The following LRRTM4 variants were observed in gnomAD, a reference collection of about 807,000 sequenced individuals.
LRRTM4 encodes the protein leucine-rich repeat transmembrane neuronal protein 4.
Under a neutral mutation model 47.6 loss-of-function variants are expected in LRRTM4, and 25 were observed. The observed-to-expected ratio is 0.53, with a 90% CI of 0.38 to 0.73. LRRTM4 has a LOEUF of 0.73. Ranked by LOEUF, LRRTM4 falls within the 30% of genes least tolerant of loss-of-function variation. LRRTM4 has a pLI of 0.00. For synonymous variants in LRRTM4, 311 were observed against 269.5 expected, an observed-to-expected ratio of 1.15 and a Z score of -1.51; for missense variants, 638 against 713.4, an observed-to-expected ratio of 0.89 and a Z score of 1.20.
At chr2:77,092,840 G>A (rs1203176368) in intron 3 of LRRTM4, among the ~76,000 whole-genome samples, 5 of 143,166 alleles carry the variant, frequency 3.5e-5, no homozygotes, top group African/African-American at 1.2e-4. Flanking sequence ...AGTATTCAGC[G>A]AAACCTTTAT....
intron 3 of LRRTM4, among the ~76,000 whole-genome samples, chr2:77,201,702 G>A (rs986894870): frequency 5.3e-5 from 8 of 151,778 alleles, no homozygotes; most frequent in Admixed American, 4.6e-4. Flanking sequence ...TGTGCCAAGG[G>A]GTAACATTCC....
At chr2:76,883,564 T>C (rs553242276) in intron 3 of LRRTM4, among the ~76,000 whole-genome samples, 3 of 152,240 alleles carry the variant, frequency 2.0e-5, no homozygotes, top group African/African-American at 7.2e-5. Context: ...CATGCAAAGC[T>C]AGGACAGAGG....
intron 3 of LRRTM4, among the ~76,000 whole-genome samples, chr2:76,806,035 A>G (rs78773448): frequency 0.044 from 6,775 of 152,256 alleles, 462 homozygotes; most frequent in African/African-American, 0.14. Flanking sequence ...TACTCAGCCT[A>G]TTACAGCTAC....
intron 3 of LRRTM4, among the ~76,000 whole-genome samples, chr2:77,024,534 AAAC>A (rs1012887868): frequency 2.0e-5 from 3 of 151,920 alleles, no homozygotes; most frequent in African/African-American, 7.3e-5. Context: ...CTAAAGAAAA[AAAC>A]AACAGAGAGG....
intron 3 of LRRTM4, among the ~76,000 whole-genome samples, chr2:77,240,602 CATAA>C (rs1311914588): frequency 6.6e-6 from 1 of 151,698 alleles, no homozygotes; most frequent in Non-Finnish European, 1.5e-5. Context: ...AAAAGAAATA[CATAA>C]AGAAGAAATA....
At chr2:77,118,054 A>G (rs1319834558) in intron 3 of LRRTM4, among the ~76,000 whole-genome samples, 1 of 151,994 alleles carries the variant, frequency 6.6e-6, no homozygotes, top group Non-Finnish European at 1.5e-5. Context: ...AATTTATGCT[A>G]TAACAAGAAT....
chr2:76,795,184 G>T (rs987790626), intron 3 of LRRTM4, among the ~76,000 whole-genome samples: 1 of 151,726 alleles, frequency 6.6e-6, no homozygotes, highest in Non-Finnish European at 1.5e-5. Flanking sequence ...CATAGAAAAA[G>T]GTGCCCGAAT....
intron 3 of LRRTM4, among the ~76,000 whole-genome samples, chr2:76,844,877 T>A (rs1372105157): frequency 6.6e-6 from 1 of 152,160 alleles, no homozygotes; most frequent in African/African-American, 2.4e-5. Flanking sequence ...ATATATTCTC[T>A]TCATTTTGAG....
At chr2:76,789,601 G>C (rs1297401941) in intron 3 of LRRTM4, among the ~76,000 whole-genome samples, 8 of 152,112 alleles carry the variant, frequency 5.3e-5, no homozygotes, top group Admixed American at 5.2e-4. Context: ...TGTTTACTTA[G>C]TGTGAACATA....
At chr2:77,249,334 T>G (rs890774142) in intron 3 of LRRTM4, among the ~76,000 whole-genome samples, 3 of 151,724 alleles carry the variant, frequency 2.0e-5, no homozygotes, top group Admixed American at 2.0e-4. Flanking sequence ...TGGGTGACAA[T>G]AGCAAAACTC....
rs776265725 is a variant in LRRTM4 at position 77,483,118 on chromosome 2, C to CAAAAAAAA, written c.1551+35192_1551+35199dup. ...CCTAGGAGGCAGAGCAAGACTGTCT[C>CAAAAAAAA]AAAAAAAAAAAAAAAAAAAAAAAAA... On this transcript the variant is annotated intron_variant, in intron 3 of 3. Coordinates refer to ENST00000409884, the MANE Select transcript of LRRTM4 (RefSeq NM_001134745.3). Among the ~76,000 whole-genome samples, 151 of 60,594 alleles carry CAAAAAAAA rather than the reference C, an allele frequency of 2.5e-3. 21 individuals carry two copies. In the East Asian group the frequency reaches 0.039, roughly 16 times the overall value. 39.8% of individuals were successfully genotyped at this position (60,594 alleles called of 152,430 possible).
At chr2:77,154,317 A>G (rs928841176) in intron 3 of LRRTM4, among the ~76,000 whole-genome samples, 5 of 152,174 alleles carry the variant, frequency 3.3e-5, no homozygotes, top group African/African-American at 1.2e-4. Flanking sequence ...TTGAGTACTC[A>G]ATAAAGAGAA....
At chr2:77,231,207 G>GCA (rs368017161) in intron 3 of LRRTM4, among the ~76,000 whole-genome samples, 30 of 150,300 alleles carry the variant, frequency 2.0e-4, no homozygotes, top group African/African-American at 5.8e-4. Context: ...AAGTACACAT[G>GCA]CACACACACA....
chr2:77,344,329 T>C (rs1671483443), intron 3 of LRRTM4, among the ~76,000 whole-genome samples: 1 of 151,652 alleles, frequency 6.6e-6, no homozygotes, highest in South Asian at 2.1e-4. Flanking sequence ...GGAAGAAGGG[T>C]AAACACTCTT....
intron 3 of LRRTM4, among the ~76,000 whole-genome samples, chr2:77,392,749 G>A (rs1317434959): frequency 6.6e-6 from 1 of 151,952 alleles, no homozygotes; most frequent in East Asian, 1.9e-4. Flanking sequence ...ACTCCTCAAA[G>A]GACACAAAAT....
chr2:77,224,288 A>C (rs1674736840), intron 3 of LRRTM4, among the ~76,000 whole-genome samples: 1 of 152,140 alleles, frequency 6.6e-6, no homozygotes, highest in Admixed American at 6.6e-5. Flanking sequence ...ACCATTCAGG[A>C]CATAGGCATG....
At chr2:77,473,225 G>A (rs867734036) in intron 3 of LRRTM4, among the ~76,000 whole-genome samples, 1 of 152,022 alleles carries the variant, frequency 6.6e-6, no homozygotes, top group African/African-American at 2.4e-5. Context: ...TTTGTAAAGG[G>A]CTAAATGTTA....
At chr2:77,417,578 T>A (rs1674686278) in intron 3 of LRRTM4, among the ~76,000 whole-genome samples, 1 of 152,138 alleles carries the variant, frequency 6.6e-6, no homozygotes, top group South Asian at 2.1e-4. Context: ...TATGATGAGT[T>A]CATGTCCTTT....
At chr2:77,260,087 T>C (rs1278040979) in intron 3 of LRRTM4, among the ~76,000 whole-genome samples, 1 of 152,064 alleles carries the variant, frequency 6.6e-6, no homozygotes, top group Non-Finnish European at 1.5e-5. Flanking sequence ...CTTCTGCAAC[T>C]AGCAAGATAC....
Sources: allele counts gnomAD v4.1 joint callset (sites outside exome capture counted in the v4.1 genomes callset), GRCh38; gene constraint gnomAD v4.1.1; transcripts MANE v1.5; gene names NCBI Gene and HGNC (gene_info 2026-07-23, HGNC 2026-07-21).